Variants in MITF observed in about 807,000 individuals in gnomAD.
The protein encoded by MITF is melanocyte inducing transcription factor, also known as microphthalmia-associated transcription factor.
Under a neutral mutation model 60.5 loss-of-function variants are expected in MITF, and 17 were observed. The observed-to-expected ratio is 0.28, with a 90% CI of 0.19 to 0.42. The LOEUF (loss-of-function observed/expected upper bound fraction) is 0.42. MITF is among the 10% of genes least tolerant of loss of function. MITF has a pLI of 1.00. For synonymous variants in MITF, 260 were observed against 248.5 expected, an observed-to-expected ratio of 1.05 and a Z score of -0.43; for missense variants, 622 against 683.5, an observed-to-expected ratio of 0.91 and a Z score of 1.00.
chr3:69,914,733 G>C (rs1046035345), intron 2 of MITF, among the ~76,000 whole-genome samples: 6 of 152,154 alleles, frequency 3.9e-5, no homozygotes, highest in Non-Finnish European at 7.3e-5. Context: ...GGCTGTGTTA[G>C]TTGCCTGGTT....
intron 1 of MITF, among the ~76,000 whole-genome samples, chr3:69,861,050 G>A (rs1390709153): frequency 6.6e-6 from 1 of 152,186 alleles, no homozygotes; most frequent in Non-Finnish European, 1.5e-5. Context: ...TAGAGCCGCT[G>A]GACCAGTTCC....
chr3:69,786,773 G>A (rs553694399), intron 1 of MITF, among the ~76,000 whole-genome samples: 1 of 152,300 alleles, frequency 6.6e-6, no homozygotes, highest in Non-Finnish European at 1.5e-5. Context: ...TAAAATTAGG[G>A]TTGGAGGAGC....
intron 1 of MITF, among the ~76,000 whole-genome samples, chr3:69,843,107 C>G (rs1052305205): frequency 6.6e-6 from 1 of 152,040 alleles, no homozygotes; most frequent in Admixed American, 6.6e-5. Flanking sequence ...GGACTATAAC[C>G]TTGAGTACTC....
intron 1 of MITF, among the ~76,000 whole-genome samples, chr3:69,850,899 T>G (rs1044193837): frequency 2.6e-5 from 4 of 152,208 alleles, no homozygotes; most frequent in African/African-American, 9.6e-5. Context: ...GTAGCCTGTT[T>G]CTTTGCATGC....
intron 1 of MITF, among the ~76,000 whole-genome samples, chr3:69,740,919 C>T (rs940418263): frequency 6.6e-5 from 10 of 152,164 alleles, no homozygotes; most frequent in African/African-American, 2.4e-4. Context: ...TAATCTTGGC[C>T]TCTGGCGAGC....
At chr3:69,930,230 C>T (rs188071923) in intron 2 of MITF, among the ~76,000 whole-genome samples, 7 of 151,926 alleles carry the variant, frequency 4.6e-5, no homozygotes, top group Admixed American at 2.0e-4. Flanking sequence ...TGACTGGGTT[C>T]GATCACCAGG....
chr3:69,848,478 G>A (rs567530560), intron 1 of MITF, among the ~76,000 whole-genome samples: 3 of 152,314 alleles, frequency 2.0e-5, no homozygotes, highest in Admixed American at 1.3e-4. Context: ...AGCACTCATG[G>A]ATGGATTCCA....
At chr3:69,942,575 G>T (rs1200915763) in intron 5 of MITF, among the ~76,000 whole-genome samples, 1 of 151,910 alleles carries the variant, frequency 6.6e-6, no homozygotes, top group Non-Finnish European at 1.5e-5. Flanking sequence ...GATATTTAGA[G>T]TTTGTCTACT....
chr3:69,856,142 C>G (rs930686675), intron 1 of MITF, among the ~76,000 whole-genome samples: 1 of 152,136 alleles, frequency 6.6e-6, no homozygotes, highest in African/African-American at 2.4e-5. Context: ...GAGTGGGCCA[C>G]TCTATCGGGG....
intron 1 of MITF, among the ~76,000 whole-genome samples, chr3:69,830,622 G>C (rs1446279730): frequency 6.6e-6 from 1 of 152,166 alleles, no homozygotes; most frequent in African/African-American, 2.4e-5. Context: ...CTTCATCAAA[G>C]TGGGGATGTT....
intron 1 of MITF, among the ~76,000 whole-genome samples, chr3:69,870,582 G>GT (rs2064216083): frequency 6.6e-6 from 1 of 151,722 alleles, no homozygotes; most frequent in Admixed American, 6.6e-5. Flanking sequence ...CTACAGGCGT[G>GT]TACCACCATG....
rs964113676 is a variant in MITF at position 69,798,951 on chromosome 3, A to G, written c.104+59250A>G. Among the ~76,000 whole-genome samples, 8 of 152,104 alleles carry G rather than the reference A, an allele frequency of 5.3e-5. No individual in the cohort carries two copies. In the South Asian group the frequency reaches 8.3e-4, roughly 16 times the overall value. On this transcript the variant is annotated intron_variant, in intron 1 of 9. Transcript: ENST00000352241. Reference sequence around the variant, plus strand: ...AATTACTTAATTTGCTTGTCCTTTTACATTTATTTGTGTGATCATTTGATG... The same window carrying G: ...AATTACTTAATTTGCTTGTCCTTTTGCATTTATTTGTGTGATCATTTGATG...
intron 2 of MITF, among the ~76,000 whole-genome samples, chr3:69,898,737 T>C (rs1015830114): frequency 6.6e-6 from 1 of 152,096 alleles, no homozygotes; most frequent in Non-Finnish European, 1.5e-5. Context: ...AAAGTGTCTA[T>C]TGGGTTGGTC....
At chr3:69,765,209 TCC>T (rs35129140) in intron 1 of MITF, among the ~76,000 whole-genome samples, 1 of 152,236 alleles carries the variant, frequency 6.6e-6, no homozygotes, top group Admixed American at 6.5e-5. Context: ...CTTACTATTT[TCC>T]CTGGAATGGA....
At chr3:69,891,449 C>T (rs1296504915) in intron 2 of MITF, among the ~76,000 whole-genome samples, 1 of 152,098 alleles carries the variant, frequency 6.6e-6, no homozygotes, top group African/African-American at 2.4e-5. Flanking sequence ...AACCTGTAGC[C>T]ACTGCGTCCC....
intron 1 of MITF, among the ~76,000 whole-genome samples, chr3:69,873,582 T>A (rs532198451): frequency 1.3e-5 from 2 of 152,316 alleles, no homozygotes; most frequent in South Asian, 2.1e-4. Context: ...TCTCATAGCC[T>A]ATTTGGCAGG....
chr3:69,759,646 T>C (rs989064634), intron 1 of MITF, among the ~76,000 whole-genome samples: 15 of 152,242 alleles, frequency 9.9e-5, no homozygotes, highest in African/African-American at 3.6e-4. Flanking sequence ...TTCTTGCATC[T>C]GTATTTCTCT....
intron 1 of MITF, among the ~76,000 whole-genome samples, chr3:69,842,449 G>A (rs1255298114): frequency 6.6e-6 from 1 of 152,230 alleles, no homozygotes; most frequent in African/African-American, 2.4e-5. Context: ...AGTGGCTTCA[G>A]AAGAGTTGCA....
intron 1 of MITF, among the ~76,000 whole-genome samples, chr3:69,865,460 G>A (rs77066616): frequency 0.011 from 1,709 of 152,304 alleles, 29 homozygotes; most frequent in African/African-American, 0.04. Context: ...TGATAATATT[G>A]ATGTTGTCAT....
Sources: allele counts gnomAD v4.1 joint callset (sites outside exome capture counted in the v4.1 genomes callset), GRCh38; gene constraint gnomAD v4.1.1; transcripts MANE v1.5; gene names NCBI Gene and HGNC (gene_info 2026-07-23, HGNC 2026-07-21).